The following RNF213 variants were observed in gnomAD, a reference collection of about 807,000 sequenced individuals.
RNF213 encodes ring finger protein 213, also known as E3 ubiquitin-protein ligase RNF213.
A neutral mutation model predicts 514.4 loss-of-function variants in RNF213; 341 were observed. The observed-to-expected ratio is 0.66, with a 90% CI of 0.61 to 0.73. The LOEUF (loss-of-function observed/expected upper bound fraction) is 0.73. RNF213 is among the 30% of genes least tolerant of loss of function. RNF213 has a pLI of 0.00. For synonymous variants in RNF213, 2,655 were observed against 2,658.2 expected (o/e 1.00, Z 0.04); for missense variants, 5,767 against 6,615.6 (o/e 0.87, Z 4.45).
At position 80,363,515 on chromosome 17, in the gene RNF213, G is replaced by A; in HGVS notation, c.11569-94G>A. The A allele has an allele frequency of 2.1e-6, 3 of 1,447,588 alleles. No individual in the cohort carries two copies. The Admixed American group carries it at 5.2e-5, about 25-fold the overall frequency. The allele number at this position is 1,447,588 out of a possible 1,614,324, so 89.7% of individuals were successfully genotyped here. ...CAATGAAAGTTTAGGTCGCAAGCCT[G>A]GGACACAAGTATACATGCAGCTAAC... On this transcript the variant is annotated intron_variant, in intron 40 of 67. Coordinates refer to ENST00000582970, the MANE Select transcript of RNF213 (RefSeq NM_001256071.3).
chr17:80,301,352 G>A (rs2045171264), intron 11 of RNF213, among the ~76,000 whole-genome samples: 1 of 152,144 alleles, frequency 6.6e-6, no homozygotes, highest in African/African-American at 2.4e-5. Flanking sequence ...CTTCTGTGCA[G>A]CAAAGGAAAC....
At chr17:80,269,892 G>A (rs1289094446) in intron 2 of RNF213, among the ~76,000 whole-genome samples, 1 of 152,166 alleles carries the variant, frequency 6.6e-6, no homozygotes, top group Admixed American at 6.5e-5. Context: ...CATTGTTTAG[G>A]AAGTGCTAGT....
chr17:80,367,497 C>T (rs539299818), intron 42 of RNF213, among the ~76,000 whole-genome samples: 1 of 152,070 alleles, frequency 6.6e-6, no homozygotes, highest in East Asian at 1.9e-4. Context: ...TTAGTGAGAG[C>T]GGAGGAGACC....
chr17:80,354,188 T>C, intron 35 of RNF213, 22 bp downstream of exon 35: 1 of 1,611,724 alleles, frequency 6.2e-7, no homozygotes, highest in Non-Finnish European at 8.5e-7. Context: ...CCCACCCCTC[T>C]TGCCCCTGCC....
Position 80,346,521 on chromosome 17 carries a change from A to C in RNF213, c.8186A>C (p.Gln2729Pro), listed in dbSNP as rs1378508895. The change falls in exon 29 of 68, where the codon CAG becomes CCG. Residue 2729 changes from glutamine to proline, a missense_variant. Physicochemically the swap from Gln to Pro is moderately conservative, Grantham distance 76. Coordinates refer to ENST00000582970, the MANE Select transcript of RNF213 (RefSeq NM_001256071.3). The surrounding 1 kb of genome is among the most constrained non-coding windows in gnomAD (Gnocchi z 8.1). Reference protein sequence around the residue: ...RLLLDEITRAQDLFLDGVPLR... With the variant: ...RLLLDEITRAPDLFLDGVPLR... ...CTTCTGGATGAAATAACACGGGCAC[A>C]GGATCTTTTTCTGGACGGCGTACCT... The C allele has an allele frequency of 6.2e-7, 1 of 1,613,524 alleles. No individual in the cohort carries two copies. The highest frequency in any genetic ancestry group is 1.3e-5 in the African/African-American group (1 of 74,938).
At chr17:80,305,579 C>G (rs1431230883) in intron 11 of RNF213, among the ~76,000 whole-genome samples, 1 of 151,610 alleles carries the variant, frequency 6.6e-6, no homozygotes, top group Non-Finnish European at 1.5e-5. Flanking sequence ...ATTCCGTATT[C>G]TGAATTCTAT....
At chr17:80,374,907 TAAGA>T (rs1210035256) in intron 50 of RNF213, 14 of 378,032 alleles carry the variant, frequency 3.7e-5, no homozygotes, top group Admixed American at 1.5e-4. Context: ...GAAAACAGTC[TAAGA>T]AAGATGCTGA....
At chr17:80,306,989 G>A (rs2045385262) in intron 12 of RNF213, 139 bp from the exon 13 acceptor site, 1 of 815,718 alleles carries the variant, frequency 1.2e-6, no homozygotes, top group South Asian at 1.4e-5. Context: ...ATTAGTATGT[G>A]AGCACCTTAA....
chr17:80,349,848 C>G lies in RNF213; in HGVS notation c.10030C>G (p.Pro3344Ala). 1 of 1,614,132 alleles carries G rather than the reference C, an allele frequency of 6.2e-7. No homozygotes were observed. The highest frequency in any genetic ancestry group is 8.5e-7 in the Non-Finnish European group (1 of 1,180,000). ...AGAGGTCACAGGCAGGGCTCCGAAACCCACACTCCTGTGGCTGCAGCAGTT... is the reference window on the plus strand; with the variant it reads ...AGAGGTCACAGGCAGGGCTCCGAAAGCCACACTCCTGTGGCTGCAGCAGTT... ...ESEVTGRAPK[P>A]TLLWLQQFDT... Residue 3344 changes from proline (P) to alanine (A), a missense_variant, in exon 30 of 68, where the codon CCC becomes GCC. Transcript: ENST00000582970.
At position 80,289,708 on chromosome 17, in the gene RNF213, T is replaced by C; in HGVS notation, c.983T>C (p.Val328Ala). The C allele has an allele frequency of 1.2e-6, 2 of 1,612,162 alleles. No homozygotes were observed. The highest frequency in any genetic ancestry group is 1.7e-6 in the Non-Finnish European group (2 of 1,179,646). The change falls in exon 6 of 68, where the codon GTC becomes GCC. Residue 328 changes from valine (V) to alanine (A), a missense_variant. Physicochemically the swap from Val to Ala is moderately conservative, Grantham distance 64. Transcript: ENST00000582970. ...GAGATGGCTGCTGCTGAAGAAAAAG[T>C]CGGTAAGAATGAACAAGGGGAGCCT... ...KDEMAAAEEK[V>A]GKNEQGEPED... is the part of the protein sequence containing the mutation.
At position 80,288,538 on chromosome 17, in the gene RNF213, C is replaced by T; in HGVS notation, c.811-95C>T. 7 of 1,611,530 alleles carry T rather than the reference C, an allele frequency of 4.3e-6. No homozygotes were observed. Among genetic ancestry groups the T allele is most frequent in the South Asian group, 1.1e-5 (1 of 90,946 alleles). Reference sequence around the variant, plus strand: ...ACTGGGGATGCCAGCCCACCCTGTCCCTCGGCTTGTGGCAGATGCTGCCCC... The same window carrying T: ...ACTGGGGATGCCAGCCCACCCTGTCTCTCGGCTTGTGGCAGATGCTGCCCC... On this transcript the variant is annotated intron_variant, in intron 4 of 67. Coordinates refer to ENST00000582970, the MANE Select transcript of RNF213 (RefSeq NM_001256071.3). This position sits in a 1 kb window ranked among gnomAD's most constrained non-coding sequence, Gnocchi z 4.9.
chr17:80,307,072 A>G lies in RNF213; in HGVS notation c.2428-56A>G, dbSNP rs919875324. On this transcript the variant is annotated intron_variant, in intron 12 of 67. Transcript: ENST00000582970. ...TTTTTTCAGCTCTGTTTTAGCAATG[A>G]CAGTGGCATTGTGATTCAATCTTTT... 5.2e-6 allele frequency: 8 copies of G among 1,533,926 alleles called. No individual in the cohort carries two copies. The African/African-American group carries it at 9.5e-5, about 18-fold the overall frequency.
rs7213699 is a variant in RNF213, at chr17:80,355,408, G to A, written c.10862+832G>A. 7.9e-4 allele frequency: 205 copies of A among 258,834 alleles called. 2 individuals are homozygous for A. Among genetic ancestry groups the A allele is most frequent in the African/African-American group, 3.7e-3 (133 of 36,408 alleles). The allele number at this position is 258,834 out of a possible 1,614,324, so 16.0% of individuals were successfully genotyped here. A position where few individuals can be genotyped will look rare whatever the true frequency, so the allele number is the denominator to read the frequency against. ...AAGAAGCGGGGTGAATGGGAATGGG[G>A]GCTCACGGAGGAAGAAGCGGGGTGG... On this transcript the variant is annotated intron_variant, in intron 36 of 67. Coordinates refer to ENST00000582970, the MANE Select transcript of RNF213 (RefSeq NM_001256071.3).
rs531363772 is a variant in RNF213, at chr17:80,312,522, C to T, written c.2656-490C>T. The stretch of plus-strand genomic sequence containing the variant: ...TGGGAAGGGGACCCAGGTTTACCTC[C>T]GGGTCAGGAGCCTGGCTGTGGTCTG... On this transcript the variant is annotated intron_variant, in intron 14 of 67. Coordinates refer to ENST00000582970, the MANE Select transcript of RNF213 (RefSeq NM_001256071.3). Among the ~76,000 whole-genome samples, 22 of 124,614 alleles carry T rather than the reference C, an allele frequency of 1.8e-4. No homozygotes were observed. In the South Asian group the frequency reaches 2.9e-3, roughly 16 times the overall value. 81.8% of individuals were successfully genotyped at this position (124,614 alleles called of 152,430 possible). A position where few individuals can be genotyped will look rare whatever the true frequency, so the allele number is the denominator to read the frequency against.
In RNF213 at chr17:80,290,653, A is replaced by C; in HGVS notation, c.1196A>C (p.Lys399Thr). 1 of 1,614,020 alleles carries C rather than the reference A, an allele frequency of 6.2e-7. No individual in the cohort carries two copies. The highest frequency in any genetic ancestry group is 8.5e-7 in the Non-Finnish European group (1 of 1,179,986). The change falls in exon 7 of 68, where the codon AAA becomes ACA. Residue 399 changes from lysine to threonine, a missense_variant. Lys to Thr is a moderately conservative substitution (Grantham distance 78). Around this residue, in one of 13 missense-constraint regions of RNF213, gnomAD observed 509 missense variants for 496.7 expected, o/e 1.02. Transcript: ENST00000582970. ...LHFPFNPDLH[K>T]VFIRGGEEFG... ...TTCCCATTCAATCCTGACCTCCATAAAGTCTTCATCAGAGGAGGAGAAGAA... is the reference window on the plus strand; with the variant it reads ...TTCCCATTCAATCCTGACCTCCATACAGTCTTCATCAGAGGAGGAGAAGAA...
chr17:80,297,786 CAAAA>C (rs550895440), intron 10 of RNF213, among the ~76,000 whole-genome samples: 3 of 98,186 alleles, frequency 3.1e-5, no homozygotes, highest in Non-Finnish European at 6.1e-5. Context: ...GACTCCGTCT[CAAAA>C]AAAAAAAAAA....
chr17:80,273,107 A>T, intron 2 of RNF213, 134 bp from the exon 3 acceptor site: 1 of 1,194,028 alleles, frequency 8.4e-7, no homozygotes, highest in South Asian at 1.2e-5. Flanking sequence ...TGCTCATGTT[A>T]GCAGGCCCAA....
intron 3 of RNF213, among the ~76,000 whole-genome samples, chr17:80,276,032 T>C (rs2044041508): frequency 6.6e-6 from 1 of 151,680 alleles, no homozygotes; most frequent in African/African-American, 2.4e-5. Context: ...ATCAAACTAC[T>C]AATTGGCAAC....
intron 11 of RNF213, 72 bp downstream of exon 11, chr17:80,298,590 C>G: frequency 1.3e-6 from 2 of 1,523,056 alleles, no homozygotes; most frequent in Non-Finnish European, 1.8e-6. Context: ...CCCGGAGTCC[C>G]GGTGGGCTCT....
Sources: gnomAD v4.1 joint callset for allele counts (sites outside exome capture counted in the v4.1 genomes callset) on GRCh38, gnomAD v4.1.1 for gene constraint, gnomAD v4.1.1 regional missense constraint, Gnocchi (gnomAD v3.1) non-coding constraint, MANE v1.5 for transcripts, NCBI Gene and HGNC (gene_info 2026-07-23, HGNC 2026-07-21) for gene names.